TMC1: variants seen among roughly 807,000 people sequenced by gnomAD.
TMC1 encodes transmembrane channel-like protein 1.
A neutral mutation model predicts 105.8 loss-of-function variants in TMC1; 84 were observed. The ratio of observed to expected loss-of-function variants is 0.79; its 90% CI spans 0.67 to 0.95. TMC1 has a LOEUF of 0.95. Among genes scored for constraint, TMC1 ranks in the 40% least tolerant of loss-of-function variants. The probability of loss-of-function intolerance (pLI) is 0.00; values close to 1 mark genes in which losing one functional copy is unlikely to be tolerated. For synonymous variants in TMC1, 315 were observed against 311.5 expected (o/e 1.01, Z -0.12); for missense variants, 817 against 914.1 (o/e 0.89, Z 1.37).
chr9:72,546,593 T>G (rs1823772847), intron 1 of TMC1, among the ~76,000 whole-genome samples: 1 of 152,242 alleles, frequency 6.6e-6, no homozygotes, highest in South Asian at 2.1e-4. Flanking sequence ...TAAATATTTG[T>G]TGGCCTTTCC....
chr9:72,816,841 T>A (rs1313030540), intron 19 of TMC1, among the ~76,000 whole-genome samples: 1 of 152,048 alleles, frequency 6.6e-6, no homozygotes, highest in Admixed American at 6.6e-5. Flanking sequence ...TTAAGATGAG[T>A]CGATACAGTA....
intron 4 of TMC1, among the ~76,000 whole-genome samples, chr9:72,634,580 T>G (rs551147726): frequency 3.7e-4 from 57 of 152,260 alleles, no homozygotes; most frequent in African/African-American, 1.3e-3. Context: ...AAAAAGGCAG[T>G]TAGCTTGTGA....
chr9:72,641,154 T>C (rs1825621453), intron 4 of TMC1, among the ~76,000 whole-genome samples: 1 of 152,190 alleles, frequency 6.6e-6, no homozygotes, highest in Non-Finnish European at 1.5e-5. Context: ...AATGCAGTGG[T>C]GCAATCTCAG....
chr9:72,779,810 G>A (rs1828063233), intron 13 of TMC1, among the ~76,000 whole-genome samples: 1 of 152,136 alleles, frequency 6.6e-6, no homozygotes, highest in Non-Finnish European at 1.5e-5. Context: ...AAAGAGAGGG[G>A]GAGAGAGAAA....
At chr9:72,584,065 A>G (rs1303605258) in intron 2 of TMC1, among the ~76,000 whole-genome samples, 1 of 152,190 alleles carries the variant, frequency 6.6e-6, no homozygotes, top group East Asian at 1.9e-4. Context: ...AGTGCCTTAC[A>G]GGCTATAGAA....
chr9:72,788,843 G>T (rs1341509887), intron 14 of TMC1, among the ~76,000 whole-genome samples: 2 of 149,042 alleles, frequency 1.3e-5, no homozygotes, highest in Non-Finnish European at 3.0e-5. Context: ...TTATTTTGTA[G>T]TTTTTTTTTT....
chr9:72,529,351 C>T, intron 1 of TMC1, among the ~76,000 whole-genome samples: 1 of 152,082 alleles, frequency 6.6e-6, no homozygotes, highest in Non-Finnish European at 1.5e-5. Context: ...ACTTGGAAGG[C>T]CGAGATGGGC....
intron 18 of TMC1, 130 bp downstream of exon 18, chr9:72,805,640 G>A: frequency 9.8e-6 from 8 of 819,984 alleles, no homozygotes; most frequent in Non-Finnish European, 1.4e-5. Context: ...AAGGTCAGCA[G>A]ATAAACAAGT....
intron 5 of TMC1, among the ~76,000 whole-genome samples, chr9:72,649,704 C>T (rs1018139524): frequency 2.0e-5 from 3 of 152,152 alleles, no homozygotes; most frequent in African/African-American, 7.2e-5. Flanking sequence ...CCCAAACTTT[C>T]ATATTAACTC....
At chr9:72,737,926 T>G (rs1297648257) in intron 8 of TMC1, among the ~76,000 whole-genome samples, 1 of 152,206 alleles carries the variant, frequency 6.6e-6, no homozygotes. Context: ...AAGGCCAATC[T>G]AGTCTATCAA....
In TMC1 at chr9:72,708,113, A is replaced by G. The variant is rs1826774523; in HGVS notation, c.362+7470A>G. The stretch of plus-strand genomic sequence containing the variant: ...ATTTCTGGGTTCTCTATTCTATTCC[A>G]TTGGTCTATGTGCCTATTTTTATAC... On this transcript the variant is annotated intron_variant, in intron 8 of 23. Coordinates refer to ENST00000297784, the MANE Select transcript of TMC1 (RefSeq NM_138691.3). Among the ~76,000 whole-genome samples the G allele has an allele frequency of 2.0e-5, 3 of 152,114 alleles. No individual in the cohort carries two copies. The South Asian group carries it at 6.2e-4, about 32-fold the overall frequency.
chr9:72,632,220 G>A (rs1825463461), intron 4 of TMC1, among the ~76,000 whole-genome samples: 1 of 151,962 alleles, frequency 6.6e-6, no homozygotes, highest in Admixed American at 6.6e-5. Flanking sequence ...GAGAGGAGAT[G>A]CCAGTCTTTT....
intron 8 of TMC1, among the ~76,000 whole-genome samples, chr9:72,735,863 C>T (rs888279017): frequency 3.9e-5 from 6 of 152,128 alleles, no homozygotes; most frequent in Non-Finnish European, 7.3e-5. Flanking sequence ...CACCTTCTGC[C>T]CCCTGGCTTT....
At chr9:72,758,847 C>G (rs999254153) in intron 12 of TMC1, among the ~76,000 whole-genome samples, 2 of 151,964 alleles carry the variant, frequency 1.3e-5, no homozygotes, top group Non-Finnish European at 2.9e-5. Context: ...AGACTAAGTA[C>G]TTATATGGGC....
intron 19 of TMC1, among the ~76,000 whole-genome samples, chr9:72,818,180 T>C (rs1218530405): frequency 6.6e-6 from 1 of 152,154 alleles, no homozygotes; most frequent in African/African-American, 2.4e-5. Flanking sequence ...AGCTTAACCA[T>C]TTTCTACAGA....
chr9:72,619,221 A>T (rs1417808827), intron 3 of TMC1, among the ~76,000 whole-genome samples: 1 of 151,908 alleles, frequency 6.6e-6, no homozygotes, highest in African/African-American at 2.4e-5. Context: ...AGAATAATAA[A>T]TCTTAATTTG....
rs562466253 is a variant in TMC1, at chr9:72,787,661, A to C, written c.885-678A>C. ...CAAATACATATATATATATATATAC[A>C]CACATATATATACACACACACACAT... On this transcript the variant is annotated intron_variant, in intron 13 of 23. Coordinates refer to ENST00000297784, the MANE Select transcript of TMC1 (RefSeq NM_138691.3). 2.0e-5 allele frequency among the ~76,000 whole-genome samples: 3 copies of C among 151,796 alleles called. No homozygotes were observed. The East Asian group carries it at 5.8e-4, about 29-fold the overall frequency.
chr9:72,648,485 C>A, intron 4 of TMC1, 112 bp from the exon 5 acceptor site: 2 of 702,612 alleles, frequency 2.8e-6, no homozygotes, highest in South Asian at 3.2e-5. Context: ...GAAATGAGTA[C>A]CTTCTTAAGT....
intron 13 of TMC1, among the ~76,000 whole-genome samples, chr9:72,774,884 C>T (rs543656695): frequency 3.3e-5 from 5 of 152,204 alleles, no homozygotes; most frequent in South Asian, 4.1e-4. Flanking sequence ...TAAGTTTGAG[C>T]GGATTTATGA....
Sources: gnomAD v4.1 joint callset for allele counts (sites outside exome capture counted in the v4.1 genomes callset) on GRCh38, gnomAD v4.1.1 for gene constraint, MANE v1.5 for transcripts, NCBI Gene and HGNC (gene_info 2026-07-23, HGNC 2026-07-21) for gene names.